Variants in EPN2 observed in about 807,000 individuals in gnomAD.
EPN2 encodes the protein epsin 2, also known as epsin-2.
In EPN2, 34 loss-of-function variants were observed where a neutral mutation model predicts 61.7. The ratio of observed to expected loss-of-function variants is 0.55; its 90% CI spans 0.42 to 0.73. The LOEUF is 0.73. Ranked by LOEUF, EPN2 falls within the 30% of genes least tolerant of loss-of-function variation. EPN2 has a pLI of 0.00. For missense variants in EPN2, 714 were observed against 839.2 expected, an observed-to-expected ratio of 0.85 and a Z score of 1.84; for synonymous variants, 349 against 353.6, an observed-to-expected ratio of 0.99 and a Z score of 0.15.
At chr17:19,262,778 T>C (rs1206727131) in intron 1 of EPN2, among the ~76,000 whole-genome samples, 1 of 152,232 alleles carries the variant, frequency 6.6e-6, no homozygotes, top group Non-Finnish European at 1.5e-5. Flanking sequence ...CAACTATCAG[T>C]CTGCTTTCTG....
At chr17:19,277,978 C>T (rs1405600945) in intron 1 of EPN2, among the ~76,000 whole-genome samples, 3 of 149,628 alleles carry the variant, frequency 2.0e-5, no homozygotes, top group African/African-American at 7.4e-5. Context: ...GAGGCTGAGG[C>T]AGGAAGAATG....
chr17:19,242,132 GAAA>G (rs5819664), intron 1 of EPN2, among the ~76,000 whole-genome samples: 15 of 115,354 alleles, frequency 1.3e-4, no homozygotes, highest in African/African-American at 3.2e-4. Flanking sequence ...TGTTTGATCT[GAAA>G]AAAAAAAAAA....
chr17:19,331,738 G>T, intron 9 of EPN2, 115 bp from the exon 10 acceptor site: 1 of 827,866 alleles, frequency 1.2e-6, no homozygotes, highest in East Asian at 2.5e-5. Context: ...GCTGTGTGTC[G>T]TCACGTGGCG....
chr17:19,280,891 G>T (rs2152216420), intron 1 of EPN2, among the ~76,000 whole-genome samples: 2 of 152,262 alleles, frequency 1.3e-5, no homozygotes, highest in South Asian at 4.1e-4. Context: ...TGGAACTTCT[G>T]ACCAACCAGC....
At chr17:19,262,952 G>A (rs975807001) in intron 1 of EPN2, among the ~76,000 whole-genome samples, 7 of 152,230 alleles carry the variant, frequency 4.6e-5, no homozygotes, top group Admixed American at 2.6e-4. Context: ...ATTCCATTGT[G>A]TGGATAGATC....
At chr17:19,288,230 T>C (rs2045424569) in intron 4 of EPN2, among the ~76,000 whole-genome samples, 1 of 152,188 alleles carries the variant, frequency 6.6e-6, no homozygotes, top group Non-Finnish European at 1.5e-5. Context: ...CAGGCACAGC[T>C]CTGGGCTTTC....
chr17:19,269,186 G>A (rs1193048098), intron 1 of EPN2, among the ~76,000 whole-genome samples: 2 of 152,200 alleles, frequency 1.3e-5, no homozygotes, highest in African/African-American at 2.4e-5. Context: ...ATTAGGGCTG[G>A]CTCATACCTT....
intron 1 of EPN2, among the ~76,000 whole-genome samples, chr17:19,277,639 G>A (rs1295517996): frequency 1.3e-5 from 2 of 152,192 alleles, no homozygotes; most frequent in Non-Finnish European, 2.9e-5. Context: ...AGCTGGAATA[G>A]CTGGAGCTTT....
At chr17:19,249,779 A>G (rs1229767421) in intron 1 of EPN2, among the ~76,000 whole-genome samples, 1 of 152,106 alleles carries the variant, frequency 6.6e-6, no homozygotes, top group East Asian at 1.9e-4. Flanking sequence ...AAAACAATGC[A>G]GTTGTATAGG....
At chr17:19,311,961 AT>A in intron 5 of EPN2, 90 bp from the exon 6 acceptor site, 1 of 840,868 alleles carries the variant, frequency 1.2e-6, no homozygotes, top group South Asian at 1.4e-5. Context: ...ATACTGCATC[AT>A]ACAATGTGCA....
chr17:19,238,649 T>G (rs1274655250), intron 1 of EPN2, among the ~76,000 whole-genome samples: 9 of 152,218 alleles, frequency 5.9e-5, no homozygotes, highest in African/African-American at 1.7e-4. Flanking sequence ...ACTGTGTCAG[T>G]GCAGAACTAG....
chr17:19,321,741 AT>A (rs1375711739), intron 7 of EPN2, among the ~76,000 whole-genome samples: 1 of 152,148 alleles, frequency 6.6e-6, no homozygotes, highest in African/African-American at 2.4e-5. Context: ...GCTGCTGAGC[AT>A]GGGCAGTGAG....
rs1166275589 is a variant in EPN2 at position 19,314,815 on chromosome 17, A to G, written c.1147+1536A>G. On this transcript the variant is annotated intron_variant, in intron 7 of 10. Transcript: ENST00000314728. ...GGGAGCCTGTGGTATGGTTTTACTC[A>G]CCACACATGGGGACTGTGGTGCCCC... 2.0e-5 allele frequency among the ~76,000 whole-genome samples: 3 copies of G among 152,322 alleles called. No individual in the cohort carries two copies. The East Asian group carries it at 5.8e-4, about 29-fold the overall frequency.
intron 7 of EPN2, 126 bp from the exon 8 acceptor site, chr17:19,328,585 T>C (rs7206963): frequency 0.97 from 857,729 of 886,716 alleles, 416,384 homozygotes; most frequent in African/African-American, 0.99. Flanking sequence ...AGTACCCTTT[T>C]GATGGCTGTC....
chr17:19,283,134 T>A lies in EPN2; in HGVS notation c.15T>A (p.Ser5=). The A allele has an allele frequency of 6.2e-7, 1 of 1,607,044 alleles. No homozygotes were observed. The highest frequency in any genetic ancestry group is 8.5e-7 in the Non-Finnish European group (1 of 1,177,120). The part of the protein sequence containing the change: MTTS[S]IRRQMKNIVN... ...AGAAAATAAAAATGACGACTTCGTC[T>A]ATCAGACGGCAGATGAAAAACATCG... Residue 5 remains serine (S), a synonymous_variant, in exon 3 of 11, where the codon TCT becomes TCA. Coordinates refer to ENST00000314728, the MANE Select transcript of EPN2 (RefSeq NM_014964.5). This position sits in a 1 kb window ranked among gnomAD's most constrained non-coding sequence, Gnocchi z 7.0.
rs146638906 is a variant in EPN2, at chr17:19,334,100, C to T, written c.1772C>T (p.Ala591Val). Residue 591 changes from alanine (A) to valine (V), a missense_variant, in exon 11 of 11, where the codon GCC becomes GTC. Ala to Val is a moderately conservative substitution (Grantham distance 64, BLOSUM62 0). Coordinates refer to ENST00000314728, the MANE Select transcript of EPN2 (RefSeq NM_014964.5). The surrounding 1 kb of genome is among the most constrained non-coding windows in gnomAD (Gnocchi z 4.9). ...CCAGGAGTGGAGTCCATGGCTGTGG[C>T]CTCGATGACCTCCGCGGCCCCACAG... ...PGPGVESMAV[A>V]SMTSAAPQPA... The T allele has an allele frequency of 1.1e-5, 18 of 1,609,152 alleles. No individual in the cohort carries two copies. In the African/African-American group the frequency reaches 1.9e-4, roughly 17 times the overall value.
intron 7 of EPN2, among the ~76,000 whole-genome samples, chr17:19,322,592 TC>T (rs1216276664): frequency 9.2e-5 from 1 of 10,882 alleles, no homozygotes; most frequent in Non-Finnish European, 6.1e-4. Flanking sequence ...AATAAAAAAA[TC>T]AGCCAGCATG....
intron 7 of EPN2, among the ~76,000 whole-genome samples, chr17:19,316,869 T>C (rs1906408426): frequency 6.6e-6 from 1 of 152,234 alleles, no homozygotes; most frequent in Non-Finnish European, 1.5e-5. Flanking sequence ...TGAGATTCTT[T>C]TCTCAGTGGT....
chr17:19,267,573 C>T (rs921477861), intron 1 of EPN2, among the ~76,000 whole-genome samples: 1 of 151,022 alleles, frequency 6.6e-6, no homozygotes, highest in Non-Finnish European at 1.5e-5. Flanking sequence ...GACAGAGTTC[C>T]ACTCTGTCGC....
Sources: gnomAD v4.1 joint callset for allele counts (sites outside exome capture counted in the v4.1 genomes callset) on GRCh38, gnomAD v4.1.1 for gene constraint, Gnocchi (gnomAD v3.1) non-coding constraint, MANE v1.5 for transcripts, NCBI Gene and HGNC (gene_info 2026-07-23, HGNC 2026-07-21) for gene names.